STARD13: variants seen among roughly 807,000 people sequenced by gnomAD.
STARD13 encodes the protein stAR-related lipid transfer protein 13.
A neutral mutation model predicts 106.4 loss-of-function variants in STARD13; 62 were observed. The observed-to-expected ratio is 0.58, with a 90% CI of 0.48 to 0.72. The LOEUF is 0.72. Among genes scored for constraint, STARD13 ranks in the 30% least tolerant of loss-of-function variants. The pLI is 0.00. For missense variants in STARD13, 1,387 were observed against 1,424.0 expected (o/e 0.97, Z 0.42); for synonymous variants, 565 against 553.0 (o/e 1.02, Z -0.31).
the STARD13 span, among the ~76,000 whole-genome samples, chr13:33,566,210 G>C: frequency 6.7e-6 from 1 of 148,158 alleles, no homozygotes; most frequent in African/African-American, 2.5e-5. Context: ...ATAGTATGCA[G>C]GATTGTTATA....
intron 1 of STARD13, among the ~76,000 whole-genome samples, chr13:33,183,380 T>C (rs1472123172): frequency 1.3e-5 from 2 of 152,206 alleles, no homozygotes; most frequent in Non-Finnish European, 2.9e-5. Flanking sequence ...ATTTATTCCC[T>C]GCAAAGGACT....
chr13:33,205,111 G>A (rs1051304349), intron 1 of STARD13, among the ~76,000 whole-genome samples: 8 of 152,072 alleles, frequency 5.3e-5, no homozygotes, highest in African/African-American at 7.2e-5. Context: ...ATATGACATC[G>A]AACGCAAACC....
At chr13:33,318,803 G>C (rs2138521959) in intron 1 of STARD13, among the ~76,000 whole-genome samples, 1 of 152,220 alleles carries the variant, frequency 6.6e-6, no homozygotes, top group African/African-American at 2.4e-5. Flanking sequence ...CACATGAAAA[G>C]ATGCTCAATA....
the STARD13 span, among the ~76,000 whole-genome samples, chr13:33,475,033 G>T: frequency 6.6e-6 from 1 of 152,022 alleles, no homozygotes; most frequent in African/African-American, 2.4e-5. Flanking sequence ...CATATAAAAG[G>T]GATACGTGCT....
the STARD13 span, among the ~76,000 whole-genome samples, chr13:33,427,484 C>T: frequency 1.1e-4 from 16 of 152,282 alleles, no homozygotes; most frequent in East Asian, 3.9e-4. Context: ...ACTGGTGGCA[C>T]GCCAGTTTTC....
the STARD13 span, among the ~76,000 whole-genome samples, chr13:33,448,630 T>C: frequency 6.6e-6 from 1 of 152,160 alleles, no homozygotes; most frequent in South Asian, 2.1e-4. Flanking sequence ...AGTAGTGGGA[T>C]TGCTGGAGTA....
At chr13:33,474,538 A>G in the STARD13 span, among the ~76,000 whole-genome samples, 2 of 152,256 alleles carry the variant, frequency 1.3e-5, no homozygotes, top group African/African-American at 2.4e-5. Flanking sequence ...ATGCTTGTAC[A>G]TTAAACAAAT....
At chr13:33,106,005 C>A (rs1593839894) in intron 13 of STARD13, among the ~76,000 whole-genome samples, 1 of 152,336 alleles carries the variant, frequency 6.6e-6, no homozygotes, top group East Asian at 1.9e-4. Context: ...TGTGAAAACT[C>A]CGTTTTGTCT....
chr13:33,366,517 G>A, the STARD13 span, among the ~76,000 whole-genome samples: 1 of 152,114 alleles, frequency 6.6e-6, no homozygotes, highest in Non-Finnish European at 1.5e-5. This position sits in a 1 kb window ranked among gnomAD's most constrained non-coding sequence, Gnocchi z 4.2. Flanking sequence ...ACTTAATCGG[G>A]TACCTGCTTT....
At chr13:33,449,092 A>C in the STARD13 span, among the ~76,000 whole-genome samples, 1 of 151,950 alleles carries the variant, frequency 6.6e-6, no homozygotes, top group Non-Finnish European at 1.5e-5. Context: ...AAAAAAAAAA[A>C]ATAGGTTGAT....
At chr13:33,315,382 T>G (rs1893290113) in intron 1 of STARD13, among the ~76,000 whole-genome samples, 1 of 152,196 alleles carries the variant, frequency 6.6e-6, no homozygotes. Context: ...GAGGTTGGGA[T>G]TCAAAATTAA....
At chr13:33,634,087 A>G in the STARD13 span, among the ~76,000 whole-genome samples, 1 of 152,248 alleles carries the variant, frequency 6.6e-6, no homozygotes, top group Non-Finnish European at 1.5e-5. Flanking sequence ...ATTTTTGTTA[A>G]AAGATGGCCA....
chr13:33,171,809 A>G (rs1324781136), intron 1 of STARD13, among the ~76,000 whole-genome samples: 1 of 152,240 alleles, frequency 6.6e-6, no homozygotes, highest in Non-Finnish European at 1.5e-5. Context: ...CTATTCAGCC[A>G]TATATCTGCG....
chr13:33,613,043 C>T, the STARD13 span, among the ~76,000 whole-genome samples: 1 of 152,150 alleles, frequency 6.6e-6, no homozygotes, highest in East Asian at 1.9e-4. Context: ...CTCTTTTTCT[C>T]AGAATTATAC....
chr13:33,555,177 C>A, the STARD13 span, among the ~76,000 whole-genome samples: 1 of 152,210 alleles, frequency 6.6e-6, no homozygotes, highest in Non-Finnish European at 1.5e-5. Flanking sequence ...TGAACTGAAA[C>A]TAGGTGTTAG....
the STARD13 span, among the ~76,000 whole-genome samples, chr13:33,398,209 T>A: frequency 6.6e-6 from 1 of 152,238 alleles, no homozygotes; most frequent in Non-Finnish European, 1.5e-5. Flanking sequence ...CTCACAAGTC[T>A]TGCAGTCAGC....
chr13:33,557,346 A>G, the STARD13 span, among the ~76,000 whole-genome samples: 3 of 152,270 alleles, frequency 2.0e-5, no homozygotes, highest in East Asian at 1.9e-4. Context: ...CCAAGAAAGT[A>G]TTATTTCCAA....
chr13:33,205,860 C>T (rs1002039237), intron 1 of STARD13: 2 of 985,324 alleles, frequency 2.0e-6, no homozygotes, highest in African/African-American at 3.5e-5. Context: ...ACCTTTCAAA[C>T]AAAACCCCTC....
At chr13:33,615,334 A>C in the STARD13 span, among the ~76,000 whole-genome samples, 1 of 152,140 alleles carries the variant, frequency 6.6e-6, no homozygotes, top group African/African-American at 2.4e-5. Flanking sequence ...GAGGTACAGG[A>C]GGAGATGCTG....
Sources: allele counts gnomAD v4.1 joint callset (sites outside exome capture counted in the v4.1 genomes callset), GRCh38; gene constraint gnomAD v4.1.1; non-coding constraint Gnocchi (gnomAD v3.1); transcripts MANE v1.5; gene names NCBI Gene and HGNC (gene_info 2026-07-23, HGNC 2026-07-21).